The following SCARB2 variants were observed in gnomAD, a reference collection of about 807,000 sequenced individuals.
SCARB2 encodes scavenger receptor class B member 2.
In SCARB2, 29 loss-of-function variants were observed where a neutral mutation model predicts 58.6. The ratio of observed to expected loss-of-function variants is 0.49; its 90% CI spans 0.37 to 0.67. SCARB2 has a LOEUF of 0.67. SCARB2 is among the 30% of genes least tolerant of loss of function. The pLI, the probability that SCARB2 is intolerant of heterozygous loss-of-function variation, is 0.00. For synonymous variants in SCARB2, 195 were observed against 210.1 expected (o/e 0.93, Z 0.62); for missense variants, 488 against 578.5 (o/e 0.84, Z 1.60).
upstream of SCARB2, chr4:76,214,573 T>C (rs1733164050): frequency 1.8e-5 from 6 of 331,956 alleles, no homozygotes; most frequent in Non-Finnish European, 3.6e-5. Context: ...TGGTATCCTG[T>C]TAAAGATGTG....
upstream of SCARB2, chr4:76,217,637 C>T (rs1310665470): frequency 3.1e-6 from 2 of 653,004 alleles, no homozygotes; most frequent in Admixed American, 4.4e-5. Context: ...GCGTCTTGTC[C>T]AGCCTGCAGA....
chr4:76,214,924 G>C (rs1284014960), upstream of SCARB2, among the ~76,000 whole-genome samples: 1 of 152,240 alleles, frequency 6.6e-6, no homozygotes, highest in Non-Finnish European at 1.5e-5. Flanking sequence ...AAGCAAGGAA[G>C]GAAGGTTGGG....
At chr4:76,213,010 G>A in intron 1 of SCARB2, 1 of 278,212 alleles carries the variant, frequency 3.6e-6, no homozygotes, top group East Asian at 9.4e-5. Context: ...ATCCCCAGGC[G>A]CACACCACTT....
Position 76,163,316 on chromosome 4 carries a change from G to T in SCARB2, c.1307C>A (p.Thr436Asn). The T allele has an allele frequency of 1.2e-6, 2 of 1,614,210 alleles. No homozygotes were observed. Among genetic ancestry groups the T allele is most frequent in the Non-Finnish European group, 1.7e-6 (2 of 1,180,040 alleles). The change falls in exon 11 of 12, where the codon ACC (threonine) becomes AAC (asparagine). Residue 436 changes from threonine (T) to asparagine (N), a missense_variant. Physicochemically the swap from Thr to Asn is moderately conservative, Grantham distance 65 (BLOSUM62 0). Coordinates refer to ENST00000264896, the MANE Select transcript of SCARB2 (RefSeq NM_005506.4). ...CGCCATGATGATGTAGGGTATGTTG[G>T]TGATGATCAAAGTAGTGTTAATCAT... ...KSMINTTLII[T>N]NIPYIIMALG...
At chr4:76,216,326 T>A (rs949757300), upstream of SCARB2, among the ~76,000 whole-genome samples, 48 of 152,212 alleles carry the variant, frequency 3.2e-4, no homozygotes, top group African/African-American at 1.2e-3. Flanking sequence ...GAAAAAAAAA[T>A]TTGGTAACTT....
At chr4:76,184,035 C>T (rs896133366) in intron 2 of SCARB2, among the ~76,000 whole-genome samples, 1 of 152,172 alleles carries the variant, frequency 6.6e-6, no homozygotes, top group Non-Finnish European at 1.5e-5. Flanking sequence ...CAAGCTATGC[C>T]CACTAATCCT....
At chr4:76,223,983 G>A (rs1733351904) in intron 1 of SCARB2, among the ~76,000 whole-genome samples, 1 of 152,064 alleles carries the variant, frequency 6.6e-6, no homozygotes, top group Non-Finnish European at 1.5e-5. Context: ...TGATGTTGGG[G>A]GAATGTAATT....
At chr4:76,201,257 T>G (rs1020357812) in intron 1 of SCARB2, among the ~76,000 whole-genome samples, 8 of 152,176 alleles carry the variant, frequency 5.3e-5, no homozygotes, top group African/African-American at 1.9e-4. Context: ...AATTCAGAAG[T>G]GCCATCTCTC....
intron 2 of SCARB2, among the ~76,000 whole-genome samples, chr4:76,189,741 G>A (rs1732564302): frequency 6.6e-6 from 1 of 151,950 alleles, no homozygotes; most frequent in Non-Finnish European, 1.5e-5. Context: ...CAAAGCACTG[G>A]GAATATAGGC....
In SCARB2 at chr4:76,160,035, T is replaced by G. The variant is rs1305971280; in HGVS notation, c.*1678A>C. On this transcript the variant is annotated 3_prime_UTR_variant, in exon 12 of 12. Coordinates refer to ENST00000264896, the MANE Select transcript of SCARB2 (RefSeq NM_005506.4). ...TATTTTTGTTAGTTTTTTTACATTTTGGTGAGTTGGAGTATCTAAAGGTTC... is the reference window on the plus strand; with the variant it reads ...TATTTTTGTTAGTTTTTTTACATTTGGGTGAGTTGGAGTATCTAAAGGTTC... The G allele has an allele frequency of 6.6e-6, 1 of 152,206 alleles. No homozygotes were observed. Among genetic ancestry groups the G allele is most frequent in the Non-Finnish European group, 1.5e-5 (1 of 68,038 alleles). The allele number at this position is 152,206 out of a possible 1,614,324, so 9.4% of individuals were successfully genotyped here. A position where few individuals can be genotyped will look rare whatever the true frequency, so the allele number is the denominator to read the frequency against.
intron 4 of SCARB2, among the ~76,000 whole-genome samples, chr4:76,178,721 CT>C (rs1732315581): frequency 6.6e-6 from 1 of 152,184 alleles, no homozygotes; most frequent in African/African-American, 2.4e-5. Context: ...TGAGGCCCTA[CT>C]TTTAGGACTC....
intron 7 of SCARB2, among the ~76,000 whole-genome samples, chr4:76,170,810 A>G (rs1408243472): frequency 1.3e-5 from 2 of 152,012 alleles, no homozygotes; most frequent in African/African-American, 2.4e-5. Context: ...TTGAGCCACC[A>G]CACCTGGCCT....
chr4:76,226,424 G>A (rs777925658), intron 1 of SCARB2, among the ~76,000 whole-genome samples: 2 of 152,196 alleles, frequency 1.3e-5, no homozygotes, highest in Admixed American at 6.5e-5. Flanking sequence ...GGAGAGCAAG[G>A]AGCAAGGGGC....
At position 76,159,494 on chromosome 4, in the gene SCARB2, T is replaced by G. The variant is rs1035080396; in HGVS notation, c.*2219A>C. 2 of 152,096 alleles carry G rather than the reference T, an allele frequency of 1.3e-5. No individual in the cohort carries two copies. The highest frequency in any genetic ancestry group is 2.9e-5 in the Non-Finnish European group (2 of 68,070). 9.4% of individuals were successfully genotyped at this position (152,096 alleles called of 1,614,324 possible). On this transcript the variant is annotated 3_prime_UTR_variant, in exon 12 of 12. Transcript: ENST00000264896. The stretch of plus-strand genomic sequence containing the variant: ...ATCCCAGCACTTTGGGAGGCTGAGG[T>G]GGGCAGATCGCAGGGTCAGGAGATT...
intron 1 of SCARB2, among the ~76,000 whole-genome samples, chr4:76,210,965 CA>C: frequency 6.6e-6 from 1 of 152,286 alleles, no homozygotes; most frequent in African/African-American, 2.4e-5. Context: ...CTGGAAATAT[CA>C]GAGTAGATTA....
chr4:76,167,682 C>T (rs199929910), intron 9 of SCARB2, among the ~76,000 whole-genome samples: 3 of 103,948 alleles, frequency 2.9e-5, no homozygotes, highest in South Asian at 3.6e-4. Context: ...TCCCCCCCCC[C>T]GCTTTTTTTT....
intron 5 of SCARB2, 52 bp from the exon 6 acceptor site, chr4:76,175,962 A>G: frequency 6.2e-7 from 1 of 1,605,984 alleles, no homozygotes; most frequent in Non-Finnish European, 8.5e-7. Context: ...TTGAGTTTAG[A>G]TTCTCTTAAA....
At chr4:76,181,249 G>T in intron 2 of SCARB2, 148 bp from the exon 3 acceptor site, 1 of 787,222 alleles carries the variant, frequency 1.3e-6, no homozygotes, top group Non-Finnish European at 2.0e-6. Flanking sequence ...GCCTTAAAAA[G>T]CTGGAGATCG....
At chr4:76,194,606 ATAAT>A (rs1732672975) in intron 2 of SCARB2, 1 of 152,182 alleles carries the variant, frequency 6.6e-6, no homozygotes. Flanking sequence ...TCAGTCAGCA[ATAAT>A]TTATTGAGCA....
Sources: gnomAD v4.1 joint callset for allele counts (sites outside exome capture counted in the v4.1 genomes callset) on GRCh38, gnomAD v4.1.1 for gene constraint, MANE v1.5 for transcripts, NCBI Gene and HGNC (gene_info 2026-07-23, HGNC 2026-07-21) for gene names.